DIP2A: variants seen among roughly 807,000 people sequenced by gnomAD.
DIP2A encodes the protein DIP2 acetate--CoA ligase A.
DIP2A carries 85 observed loss-of-function variants against 177.4 expected under a neutral mutation model. The ratio of observed to expected loss-of-function variants is 0.48; its 90% CI spans 0.40 to 0.57. DIP2A has a LOEUF of 0.57. DIP2A is among the 20% of genes least tolerant of loss of function. The probability of loss-of-function intolerance (pLI) is 0.00; values close to 1 mark genes in which losing one functional copy is unlikely to be tolerated. For missense variants in DIP2A, 1,791 were observed against 2,100.2 expected (o/e 0.85, Z 2.88); for synonymous variants, 886 against 881.8 (o/e 1.00, Z -0.08).
Position 46,556,277 on chromosome 21 carries a change from C to A in DIP2A, c.3498+186C>A. 2.7e-6 allele frequency: 4 copies of A among 1,473,826 alleles called. No homozygotes were observed. Among genetic ancestry groups the A allele is most frequent in the Non-Finnish European group, 3.7e-6 (4 of 1,081,632 alleles). 91.3% of individuals were successfully genotyped at this position (1,473,826 alleles called of 1,614,324 possible). A position where few individuals can be genotyped will look rare whatever the true frequency, so the allele number is the denominator to read the frequency against. On this transcript the variant is annotated intron_variant, in intron 29 of 37. Transcript: ENST00000417564. This position sits in a 1 kb window ranked among gnomAD's most constrained non-coding sequence, Gnocchi z 4.5. ...AGATGTGATTAGCCTGAGAGTAATG[C>A]GTTTTCTGATGCATTATGGTTATGT...
In DIP2A at chr21:46,556,227, T is replaced by G; in HGVS notation, c.3498+136T>G. 7.0e-7 allele frequency: 1 copy of G among 1,421,948 alleles called. No individual in the cohort carries two copies. Among genetic ancestry groups the G allele is most frequent in the Admixed American group, 2.0e-5 (1 of 50,560 alleles). The allele number at this position is 1,421,948 out of a possible 1,614,324, so 88.1% of individuals were successfully genotyped here. On this transcript the variant is annotated intron_variant, in intron 29 of 37. Coordinates refer to ENST00000417564, the MANE Select transcript of DIP2A (RefSeq NM_015151.4). This position sits in a 1 kb window ranked among gnomAD's most constrained non-coding sequence, Gnocchi z 4.5. ...AAGCAACAATTTTGCTTCTTAAGAT[T>G]TGTGTTAAATACCAATAAATGCTAA...
intron 28 of DIP2A, among the ~76,000 whole-genome samples, 188 bp downstream of exon 28, chr21:46,555,121 C>T (rs957348153): frequency 1.3e-5 from 2 of 152,204 alleles, no homozygotes. Context: ...TAAACCCACG[C>T]TCCACTCAGC....
intron 8 of DIP2A, among the ~76,000 whole-genome samples, chr21:46,527,306 A>G (rs763964003): frequency 6.7e-6 from 1 of 149,880 alleles, no homozygotes; most frequent in Non-Finnish European, 1.5e-5. Flanking sequence ...AATAGGCTAA[A>G]ACAGTGGTTT....
Position 46,504,399 on chromosome 21 carries a change from G to C in DIP2A, c.694G>C (p.Val232Leu), listed in dbSNP as rs543799829. 6.2e-6 allele frequency: 10 copies of C among 1,613,898 alleles called. No homozygotes were observed. The highest frequency in any genetic ancestry group is 8.5e-6 in the Non-Finnish European group (10 of 1,179,850). Reference protein sequence around the residue: ...SAPPDVTTGLVEHSYFERPQV... With the variant: ...SAPPDVTTGLLEHSYFERPQV... ...CCCTCCTGATGTCACCACGGGCCTC[G>C]TGGAGCATTCGTACTTTGAGCGTCC... Residue 232 changes from valine (V) to leucine (L), a missense_variant, in exon 6 of 38, where the codon GTG (valine) becomes CTG (leucine). Coordinates refer to ENST00000417564, the MANE Select transcript of DIP2A (RefSeq NM_015151.4).
the DIP2A span, among the ~76,000 whole-genome samples, chr21:46,580,431 T>G: frequency 3.3e-5 from 5 of 152,214 alleles, no homozygotes; most frequent in Non-Finnish European, 7.3e-5. Flanking sequence ...ATTGGGACAT[T>G]TAGTTCATTT....
chr21:46,470,930 A>G (rs113276156), intron 1 of DIP2A, among the ~76,000 whole-genome samples: 93 of 97,248 alleles, frequency 9.6e-4, no homozygotes, highest in Admixed American at 2.1e-3. Flanking sequence ...TCTGTTTCAG[A>G]AAAAAAAAAA....
the DIP2A span, among the ~76,000 whole-genome samples, chr21:46,581,749 C>A: frequency 1.3e-5 from 2 of 152,120 alleles, no homozygotes; most frequent in Non-Finnish European, 2.9e-5. Context: ...TCACCTGGAT[C>A]CCTCCTGCAC....
chr21:46,561,443 A>T, intron 33 of DIP2A: 1 of 427,804 alleles, frequency 2.3e-6, no homozygotes, highest in Non-Finnish European at 4.4e-6. Flanking sequence ...CTTGATGTAA[A>T]CACTAGGTTT....
At chr21:46,572,132 AAAAT>A (rs1181456939), downstream of DIP2A, among the ~76,000 whole-genome samples, 2 of 152,202 alleles carry the variant, frequency 1.3e-5, no homozygotes, top group African/African-American at 4.8e-5. Flanking sequence ...TATAATGTAA[AAAAT>A]AAAAAATTTT....
At chr21:46,482,301 A>G (rs1219407682) in intron 1 of DIP2A, among the ~76,000 whole-genome samples, 3 of 152,172 alleles carry the variant, frequency 2.0e-5, no homozygotes, top group African/African-American at 4.8e-5. Flanking sequence ...TTGACCACAT[A>G]TATAACAGTG....
chr21:46,520,074 C>T (rs2058759788), intron 8 of DIP2A, among the ~76,000 whole-genome samples: 1 of 151,790 alleles, frequency 6.6e-6, no homozygotes, highest in African/African-American at 2.4e-5. Flanking sequence ...CGGGGTTTCA[C>T]CATGTTAGCC....
chr21:46,495,996 C>T (rs1437858354), intron 3 of DIP2A, among the ~76,000 whole-genome samples: 8 of 151,854 alleles, frequency 5.3e-5, no homozygotes, highest in Admixed American at 2.0e-4. Context: ...TGTCTGAACC[C>T]GGGAGGCGGA....
chr21:46,463,680 T>G (rs964483739), intron 1 of DIP2A, among the ~76,000 whole-genome samples: 24 of 131,040 alleles, frequency 1.8e-4, no homozygotes, highest in African/African-American at 6.5e-4. Flanking sequence ...TGGGATATAT[T>G]TGTGTGTGTG....
intron 1 of DIP2A, among the ~76,000 whole-genome samples, chr21:46,475,803 A>C (rs113981215): frequency 5.9e-5 from 9 of 152,342 alleles, no homozygotes; most frequent in African/African-American, 1.9e-4. Flanking sequence ...TCTCTCCTGA[A>C]TTTGGTATTT....
chr21:46,534,806 A>G, intron 13 of DIP2A, 119 bp downstream of exon 13: 2 of 816,402 alleles, frequency 2.4e-6, no homozygotes, highest in Non-Finnish European at 3.9e-6. Context: ...GCCTTTGCCC[A>G]TTAATCCGGG....
chr21:46,528,526 G>C (rs1402262291), intron 8 of DIP2A, among the ~76,000 whole-genome samples: 6 of 25,120 alleles, frequency 2.4e-4, no homozygotes, highest in Non-Finnish European at 3.5e-4. Flanking sequence ...TTTTCTGCTT[G>C]CTTTTTTTTT....
In DIP2A at chr21:46,567,596, C is replaced by T; in HGVS notation, c.4690C>T (p.Pro1564Ser). The T allele has an allele frequency of 1.9e-6, 3 of 1,607,504 alleles. No homozygotes were observed. The highest frequency in any genetic ancestry group is 2.6e-6 in the Non-Finnish European group (3 of 1,176,280). The change falls in exon 38 of 38, where the codon CCC becomes TCC. Residue 1564 changes from proline to serine, a missense_variant. Pro to Ser is a moderately conservative substitution (Grantham distance 74). Transcript: ENST00000417564. ...RDGFLADQLD[P>S]IYVAYNM ...CGGCTTCCTGGCTGACCAGCTGGAC[C>T]CCATCTATGTCGCCTACAACATGTG...
At chr21:46,560,211 T>G (rs2060617992) in intron 32 of DIP2A, among the ~76,000 whole-genome samples, 1 of 152,176 alleles carries the variant, frequency 6.6e-6, no homozygotes, top group African/African-American at 2.4e-5. Context: ...TTGAATAAAA[T>G]GACACATAAT....
At chr21:46,579,459 C>T in the DIP2A span, among the ~76,000 whole-genome samples, 1 of 151,878 alleles carries the variant, frequency 6.6e-6, no homozygotes, top group African/African-American at 2.4e-5. Context: ...TCCTTCAGTT[C>T]TGCTCTGATC....
Sources: gnomAD v4.1 joint callset for allele counts (sites outside exome capture counted in the v4.1 genomes callset) on GRCh38, gnomAD v4.1.1 for gene constraint, Gnocchi (gnomAD v3.1) non-coding constraint, MANE v1.5 for transcripts, NCBI Gene and HGNC (gene_info 2026-07-23, HGNC 2026-07-21) for gene names.